The following EEF2K variants were observed in gnomAD, a reference collection of about 807,000 sequenced individuals.
EEF2K encodes eukaryotic elongation factor 2 kinase.
Under a neutral mutation model 93.8 loss-of-function variants are expected in EEF2K, and 70 were observed. That is an observed-to-expected ratio of 0.75 (90% confidence interval 0.62 to 0.91). The LOEUF is 0.91. Among genes scored for constraint, EEF2K ranks in the 40% least tolerant of loss-of-function variants. The pLI, the probability that EEF2K is intolerant of heterozygous loss-of-function variation, is 0.00. For synonymous variants in EEF2K, 376 were observed against 380.8 expected (o/e 0.99, Z 0.15); for missense variants, 935 against 972.9 (o/e 0.96, Z 0.52).
At chr16:22,248,304 C>A (rs1221997991) in intron 3 of EEF2K, among the ~76,000 whole-genome samples, 1 of 152,114 alleles carries the variant, frequency 6.6e-6, no homozygotes. Context: ...ACCTCATGAT[C>A]CGCCTGCCCC....
intron 16 of EEF2K, 138 bp from the exon 17 acceptor site, chr16:22,280,060 C>A: frequency 1.4e-6 from 1 of 714,158 alleles, no homozygotes; most frequent in Non-Finnish European, 2.1e-6. Flanking sequence ...GATGTATTGG[C>A]CTTGGACAAG....
At chr16:22,257,822 CA>C in intron 9 of EEF2K, 52 bp downstream of exon 9, 1 of 1,596,302 alleles carries the variant, frequency 6.3e-7, no homozygotes, top group Non-Finnish European at 8.5e-7. Context: ...CTGCTACTTG[CA>C]AAGCAAGCCC....
intron 2 of EEF2K, among the ~76,000 whole-genome samples, chr16:22,244,093 G>A (rs1018943503): frequency 6.6e-6 from 1 of 151,836 alleles, no homozygotes; most frequent in African/African-American, 2.4e-5. Context: ...GCAGTGCGTG[G>A]TGGCGGGCGC....
At chr16:22,210,095 TAAG>T (rs905968338) in intron 1 of EEF2K, among the ~76,000 whole-genome samples, 134 of 152,250 alleles carry the variant, frequency 8.8e-4, no homozygotes, top group African/African-American at 3.1e-3. Context: ...CCCAACCATA[TAAG>T]AAGGCTTCAG....
chr16:22,211,871 G>A (rs772654991), intron 1 of EEF2K, among the ~76,000 whole-genome samples: 3 of 152,102 alleles, frequency 2.0e-5, no homozygotes, highest in Non-Finnish European at 4.4e-5. Flanking sequence ...TATGGTGTGT[G>A]CCAGGCATTG....
At position 22,263,037 on chromosome 16, in the gene EEF2K, G is replaced by T; in HGVS notation, c.1300-73G>T. 1.4e-6 allele frequency: 2 copies of T among 1,387,718 alleles called. 1 individual carries two copies. Among genetic ancestry groups the T allele is most frequent in the South Asian group, 2.4e-5 (2 of 81,686 alleles). 86.0% of individuals were successfully genotyped at this position (1,387,718 alleles called of 1,614,324 possible). On this transcript the variant is annotated intron_variant, in intron 11 of 17. Coordinates refer to ENST00000263026, the MANE Select transcript of EEF2K (RefSeq NM_013302.5). ...AGAGGGGAGAAAGCTAACAGTTGGG[G>T]TGTTGAGATGTCATAACCATTTCCA...
At chr16:22,226,112 T>C (rs532206435) in intron 2 of EEF2K, 137 bp downstream of exon 2, 17 of 1,302,192 alleles carry the variant, frequency 1.3e-5, no homozygotes, top group Non-Finnish European at 1.7e-5. Context: ...GAGGATATAC[T>C]TGTTAAGCAG....
Position 22,251,173 on chromosome 16 carries a change from C to G in EEF2K, c.469C>G (p.His157Asp). The G allele has an allele frequency of 6.2e-7, 1 of 1,613,966 alleles. No individual in the cohort carries two copies. Among genetic ancestry groups the G allele is most frequent in the Non-Finnish European group, 8.5e-7 (1 of 1,179,916 alleles). ...CAGGAAGAAGCTCTCCAACTTCTTG[C>G]ATGCCCAGCAGTGGAAGGGCGCCTC... ...FRTKKLSNFLHAQQWKGASNY... is the reference protein window; with the variant it reads ...FRTKKLSNFLDAQQWKGASNY... Residue 157 changes from histidine (H) to aspartate (D), a missense_variant, in exon 6 of 18, where the codon CAT (histidine) becomes GAT (aspartate). Coordinates refer to ENST00000263026, the MANE Select transcript of EEF2K (RefSeq NM_013302.5).
In EEF2K at chr16:22,241,071, A is replaced by G. The variant is rs2047217679; in HGVS notation, c.247-3559A>G. ...GTGTGAGCCACCGCGCCCGGCCTAA[A>G]CTGCTCTTAAATATGTGTTTATGTT... On this transcript the variant is annotated intron_variant, in intron 2 of 17. Transcript: ENST00000263026. Among the ~76,000 whole-genome samples, 3 of 151,990 alleles carry G rather than the reference A, an allele frequency of 2.0e-5. No homozygotes were observed. The East Asian group carries it at 5.8e-4, about 29-fold the overall frequency.
chr16:22,252,727 GA>G (rs1441181966), intron 6 of EEF2K, among the ~76,000 whole-genome samples: 1 of 152,190 alleles, frequency 6.6e-6, no homozygotes, highest in East Asian at 1.9e-4. Flanking sequence ...ATTTATAAAA[GA>G]AAAAGAGGTT....
chr16:22,238,191 G>A (rs957340467), intron 2 of EEF2K, among the ~76,000 whole-genome samples: 1 of 152,120 alleles, frequency 6.6e-6, no homozygotes, highest in South Asian at 2.1e-4. Flanking sequence ...TCAGGCAGCT[G>A]AGACAAAATT....
intron 16 of EEF2K, among the ~76,000 whole-genome samples, chr16:22,274,443 CAAA>C (rs755376945): frequency 5.7e-4 from 40 of 69,950 alleles, no homozygotes; most frequent in Middle Eastern, 8.1e-3. Flanking sequence ...GATTCCCTCT[CAAA>C]AAAAAAAAAA....
chr16:22,253,873 C>T (rs1001975836), intron 6 of EEF2K, among the ~76,000 whole-genome samples: 5 of 151,674 alleles, frequency 3.3e-5, no homozygotes, highest in East Asian at 1.9e-4. Flanking sequence ...CTGAAGTGGG[C>T]GGATCACCTG....
At chr16:22,251,484 G>C (rs2047352066) in intron 6 of EEF2K, among the ~76,000 whole-genome samples, 162 bp downstream of exon 6, 1 of 150,726 alleles carries the variant, frequency 6.6e-6, no homozygotes, top group Non-Finnish European at 1.5e-5. Context: ...GCAGTGGCAT[G>C]ATCTTGGCTC....
Position 22,256,755 on chromosome 16 carries a change from T to A in EEF2K, c.626T>A (p.Ile209Asn), listed in dbSNP as rs754046649. ...NRHKPPKQVD[I>N]MQMCIIELKD... ...CACTCCCCATCCCACCAGGTGGACA[T>A]CATGCAGATGTGCATCATCGAGCTG... Residue 209 changes from isoleucine to asparagine, a missense_variant, in exon 7 of 18, where the codon ATC (isoleucine) becomes AAC (asparagine). Coordinates refer to ENST00000263026, the MANE Select transcript of EEF2K (RefSeq NM_013302.5). 1 of 1,613,828 alleles carries A rather than the reference T, an allele frequency of 6.2e-7. No individual in the cohort carries two copies. Among genetic ancestry groups the A allele is most frequent in the Admixed American group, 1.7e-5 (1 of 59,982 alleles).
chr16:22,243,436 G>T (rs906924135), intron 2 of EEF2K, among the ~76,000 whole-genome samples: 1 of 151,506 alleles, frequency 6.6e-6, no homozygotes, highest in African/African-American at 2.4e-5. Flanking sequence ...ATTTTTAGTA[G>T]AGACAGGGTT....
chr16:22,230,919 G>A (rs981478085), intron 2 of EEF2K, among the ~76,000 whole-genome samples: 3 of 151,972 alleles, frequency 2.0e-5, no homozygotes, highest in South Asian at 2.1e-4. Context: ...GAGCCACCAC[G>A]CCTGGCCATG....
chr16:22,256,878 A>T lies in EEF2K; in HGVS notation c.749A>T (p.Asn250Ile), dbSNP rs759469438. Reference sequence around the variant, plus strand: ...AACTCTGGCTTTGTCCGCGATGACAACATCCGCCTGACGCCGCAGGTGAGG... The same window carrying T: ...AACTCTGGCTTTGTCCGCGATGACATCATCCGCCTGACGCCGCAGGTGAGG... ...NSNSGFVRDD[N>I]IRLTPQAFSH... Residue 250 changes from asparagine (N) to isoleucine (I), a missense_variant, in exon 7 of 18, where the codon AAC becomes ATC. Coordinates refer to ENST00000263026, the MANE Select transcript of EEF2K (RefSeq NM_013302.5). The T allele has an allele frequency of 5.6e-6, 9 of 1,614,118 alleles. No homozygotes were observed. Among genetic ancestry groups the T allele is most frequent in the Non-Finnish European group, 7.6e-6 (9 of 1,180,030 alleles).
At chr16:22,262,001 CCACACACACACACACACACA>C (rs71151667) in intron 11 of EEF2K, among the ~76,000 whole-genome samples, 2 of 138,114 alleles carry the variant, frequency 1.4e-5, no homozygotes, top group Admixed American at 7.4e-5. Flanking sequence ...TGAGACCCTG[CCACACACACACACACACACA>C]CACACACACA....
Sources: allele counts gnomAD v4.1 joint callset (sites outside exome capture counted in the v4.1 genomes callset), GRCh38; gene constraint gnomAD v4.1.1; transcripts MANE v1.5; gene names NCBI Gene and HGNC (gene_info 2026-07-23, HGNC 2026-07-21).